ZNF286A: variants seen among roughly 807,000 people sequenced by gnomAD.
ZNF286A encodes the protein zinc finger protein ZNF286.
A neutral mutation model predicts 49.3 loss-of-function variants in ZNF286A; 34 were observed. The ratio of observed to expected loss-of-function variants is 0.69; its 90% CI spans 0.52 to 0.92. The LOEUF is 0.92. ZNF286A is among the 40% of genes least tolerant of loss of function. The pLI is 0.00. For missense variants in ZNF286A, 462 were observed against 600.2 expected (o/e 0.77, Z 2.41); for synonymous variants, 155 against 200.4 (o/e 0.77, Z 1.91).
rs1967203410 is a variant in ZNF286A, at chr17:15,718,546, C to T, written c.*1256C>T. 1 of 150,052 alleles carries T rather than the reference C, an allele frequency of 6.7e-6. No individual in the cohort carries two copies. Among genetic ancestry groups the T allele is most frequent in the Admixed American group, 6.7e-5 (1 of 14,906 alleles). 9.3% of individuals were successfully genotyped at this position (150,052 alleles called of 1,614,324 possible). A position where few individuals can be genotyped will look rare whatever the true frequency, so the allele number is the denominator to read the frequency against. On this transcript the variant is annotated 3_prime_UTR_variant, in exon 6 of 6. Coordinates refer to ENST00000583566, the MANE Select transcript of ZNF286A (RefSeq NM_001130842.2). ...CAGTGTGTTATTATATTTAGGGTCC[C>T]AGTAAAGAAGAACTGAAGCAACTGT...
intron 5 of ZNF286A, chr17:15,710,071 T>A: frequency 1.8e-6 from 1 of 565,648 alleles, no homozygotes; most frequent in Non-Finnish European, 3.1e-6. Flanking sequence ...TTCAAGTTTC[T>A]TGTGAGTTAC....
chr17:15,714,800 AAATGGATAGAAGATGAATAGATAG>A (rs1478593900), intron 5 of ZNF286A, among the ~76,000 whole-genome samples: 7 of 152,142 alleles, frequency 4.6e-5, no homozygotes, highest in Non-Finnish European at 7.4e-5. Flanking sequence ...TTGTTGAAAA[AAATGGATAGAAGATGAATAGATAG>A]ATGAATGAAT....
At chr17:15,699,896 C>T (rs1989634270) in intron 1 of ZNF286A, 119 bp downstream of exon 1, 1 of 694,724 alleles carries the variant, frequency 1.4e-6, no homozygotes, top group Non-Finnish European at 2.6e-6. Context: ...CGAGGGCAGA[C>T]CATGAGCCCT....
intron 4 of ZNF286A, 105 bp from the exon 5 acceptor site, chr17:15,708,050 C>T: frequency 1.7e-6 from 1 of 604,392 alleles, no homozygotes; most frequent in Non-Finnish European, 2.5e-6. Flanking sequence ...AGTTGGAATT[C>T]ACTAAGGAAT....
intron 3 of ZNF286A, chr17:15,705,036 T>A: frequency 2.0e-6 from 1 of 502,858 alleles, no homozygotes; most frequent in Non-Finnish European, 3.2e-6. Flanking sequence ...CCCCGCTGCC[T>A]CTGACGTCCG....
intron 5 of ZNF286A, chr17:15,709,725 A>T: frequency 8.3e-7 from 1 of 1,206,184 alleles, no homozygotes; most frequent in Non-Finnish European, 1.1e-6. Context: ...ATCTATGTTA[A>T]TATATATGAA....
chr17:15,714,673 A>G (rs922861850), intron 5 of ZNF286A, among the ~76,000 whole-genome samples: 3 of 152,158 alleles, frequency 2.0e-5, no homozygotes, highest in Admixed American at 2.0e-4. Flanking sequence ...CAAAACTGCA[A>G]TTCAGATTTT....
chr17:15,705,479 G>C (rs374918236), intron 3 of ZNF286A, among the ~76,000 whole-genome samples: 17 of 152,046 alleles, frequency 1.1e-4, no homozygotes, highest in African/African-American at 3.9e-4. Flanking sequence ...TTTCCTCTGA[G>C]TACAGTTTTA....
Position 15,706,498 on chromosome 17 carries a change from C to T in ZNF286A, c.238C>T (p.Leu80Phe). Residue 80 changes from leucine to phenylalanine, a missense_variant, in exon 4 of 6, where the codon CTT becomes TTT. Leu to Phe is a conservative substitution (Grantham distance 22). Around this residue, in one of 3 missense-constraint regions of ZNF286A, gnomAD observed 259 missense variants for 272.2 expected, o/e 0.95. Coordinates refer to ENST00000583566, the MANE Select transcript of ZNF286A (RefSeq NM_001130842.2). The part of the protein sequence containing the change: ...MLENYRNLVS[L>F]WLPVSKPESY... ...GGAGAACTATAGGAACCTAGTCTCA[C>T]TTTGTAAGAATGGATTGTGATTCTG... 6.3e-7 allele frequency: 1 copy of T among 1,595,306 alleles called. No homozygotes were observed. Among genetic ancestry groups the T allele is most frequent in the South Asian group, 1.1e-5 (1 of 88,274 alleles).
At chr17:15,705,250 AT>A (rs1990142398) in intron 3 of ZNF286A, among the ~76,000 whole-genome samples, 1 of 152,190 alleles carries the variant, frequency 6.6e-6, no homozygotes, top group African/African-American at 2.4e-5. Context: ...CTTTATTATT[AT>A]TTTTTCAAAA....
Position 15,717,546 on chromosome 17 carries a change from A to C in ZNF286A, c.*256A>C, listed in dbSNP as rs1967131555. The stretch of plus-strand genomic sequence containing the variant: ...AATAGCTATCTGTGGAAATTCAAGA[A>C]GTCCCTGAGAGTAGGTAGCAGTACG... On this transcript the variant is annotated 3_prime_UTR_variant, in exon 6 of 6. Transcript: ENST00000583566. The C allele has an allele frequency of 1.8e-6, 1 of 560,546 alleles. No homozygotes were observed. Among genetic ancestry groups the C allele is most frequent in the African/African-American group, 1.9e-5 (1 of 52,922 alleles). The allele number at this position is 560,546 out of a possible 1,614,324, so 34.7% of individuals were successfully genotyped here. A position where few individuals can be genotyped will look rare whatever the true frequency, so the allele number is the denominator to read the frequency against.
chr17:15,705,654 C>A (rs1003713240), intron 3 of ZNF286A, among the ~76,000 whole-genome samples: 2 of 152,140 alleles, frequency 1.3e-5, no homozygotes, highest in African/African-American at 4.8e-5. Flanking sequence ...TGTTTTCCAT[C>A]CAGTTAGAGC....
At chr17:15,704,182 G>A in intron 3 of ZNF286A, 1 of 1,312,354 alleles carries the variant, frequency 7.6e-7, no homozygotes, top group Non-Finnish European at 1.1e-6. Flanking sequence ...AGAGTTGGAG[G>A]GAGGGGACAG....
intron 4 of ZNF286A, among the ~76,000 whole-genome samples, chr17:15,707,212 G>A (rs1360144643): frequency 2.6e-5 from 4 of 151,854 alleles, no homozygotes; most frequent in East Asian, 1.9e-4. Flanking sequence ...AGGCCGAGGC[G>A]GGTGGATCAC....
chr17:15,701,358 A>C, intron 3 of ZNF286A, 118 bp downstream of exon 3: 2 of 817,562 alleles, frequency 2.4e-6, no homozygotes, highest in Non-Finnish European at 3.8e-6. Context: ...CTGAGTTCTA[A>C]ATCTAAGAGA....
At chr17:15,709,659 T>TA (rs548981139) in intron 5 of ZNF286A, among the ~76,000 whole-genome samples, 8 of 152,346 alleles carry the variant, frequency 5.3e-5, no homozygotes, top group African/African-American at 1.9e-4. Context: ...GTTTTATTGT[T>TA]ACACTTTTTC....
intron 5 of ZNF286A, 173 bp from the exon 6 acceptor site, chr17:15,715,886 T>G: frequency 4.1e-6 from 6 of 1,471,200 alleles, no homozygotes; most frequent in Non-Finnish European, 5.4e-6. Flanking sequence ...CTCTGCATAG[T>G]CTGAGCATTT....
At chr17:15,712,407 T>G (rs1438429703) in intron 5 of ZNF286A, among the ~76,000 whole-genome samples, 1 of 152,240 alleles carries the variant, frequency 6.6e-6, no homozygotes, top group Non-Finnish European at 1.5e-5. Context: ...ACATCTTAAC[T>G]ATTTGATTCC....
chr17:15,705,791 A>G (rs1417620319), intron 3 of ZNF286A, among the ~76,000 whole-genome samples: 1 of 152,222 alleles, frequency 6.6e-6, no homozygotes, highest in Non-Finnish European at 1.5e-5. Context: ...TTTGTCTTAT[A>G]GAAGTATAAT....
Sources: allele counts gnomAD v4.1 joint callset (sites outside exome capture counted in the v4.1 genomes callset), GRCh38; gene constraint gnomAD v4.1.1; regional missense constraint gnomAD v4.1.1; transcripts MANE v1.5; gene names NCBI Gene and HGNC (gene_info 2026-07-23, HGNC 2026-07-21).